The following MALRD1 variants were observed in gnomAD, a reference collection of about 807,000 sequenced individuals.
The protein encoded by MALRD1 is MAM and LDL-receptor class A domain-containing protein 1.
Under a neutral mutation model 242.1 loss-of-function variants are expected in MALRD1, and 247 were observed. The ratio of observed to expected loss-of-function variants is 1.02; its 90% CI spans 0.92 to 1.13. The LOEUF (loss-of-function observed/expected upper bound fraction) is 1.13. MALRD1 is among the 50% of genes most tolerant of loss of function. MALRD1 has a pLI of 0.00. For missense variants in MALRD1, 2,989 were observed against 2,533.1 expected, an observed-to-expected ratio of 1.18 and a Z score of -3.86; for synonymous variants, 995 against 866.6, an observed-to-expected ratio of 1.15 and a Z score of -2.60.
At chr10:19,675,059 C>A (rs1393584417) in intron 36 of MALRD1, among the ~76,000 whole-genome samples, 1 of 152,070 alleles carries the variant, frequency 6.6e-6, no homozygotes, top group Non-Finnish European at 1.5e-5. Context: ...TTTTTATCTG[C>A]TGCATTTCTA....
intron 32 of MALRD1, among the ~76,000 whole-genome samples, chr10:19,542,302 A>C (rs1261557488): frequency 1.3e-5 from 2 of 152,094 alleles, no homozygotes; most frequent in Non-Finnish European, 2.9e-5. Flanking sequence ...TTTCTTTTAC[A>C]TTTTTATTTC....
intron 14 of MALRD1, among the ~76,000 whole-genome samples, chr10:19,178,132 T>G (rs1359961107): frequency 6.6e-6 from 1 of 152,208 alleles, no homozygotes; most frequent in Non-Finnish European, 1.5e-5. Flanking sequence ...ATCTTGCTTA[T>G]GGAGAATTCT....
intron 29 of MALRD1, among the ~76,000 whole-genome samples, chr10:19,461,453 C>A (rs141375340): frequency 6.6e-6 from 1 of 152,198 alleles, no homozygotes; most frequent in Non-Finnish European, 1.5e-5. Flanking sequence ...ACTCTAACTG[C>A]CAACACTGTC....
intron 36 of MALRD1, among the ~76,000 whole-genome samples, chr10:19,642,681 T>G (rs977923111): frequency 6.6e-6 from 1 of 152,310 alleles, no homozygotes; most frequent in South Asian, 2.1e-4. Context: ...ATAGAAATCC[T>G]CAAGTTCAGT....
chr10:19,203,200 A>G (rs1329124449), intron 14 of MALRD1, among the ~76,000 whole-genome samples: 1 of 151,636 alleles, frequency 6.6e-6, no homozygotes, highest in Admixed American at 6.6e-5. Context: ...AGTTCAAATT[A>G]TTTTCTGCAC....
chr10:19,570,551 T>C (rs984019062), intron 33 of MALRD1, among the ~76,000 whole-genome samples: 4 of 152,034 alleles, frequency 2.6e-5, no homozygotes, highest in Non-Finnish European at 4.4e-5. Flanking sequence ...TGGAAAATTT[T>C]GAGAGGTGCC....
chr10:19,156,051 T>G (rs1222993273), intron 12 of MALRD1, among the ~76,000 whole-genome samples: 7 of 152,212 alleles, frequency 4.6e-5, no homozygotes, highest in Non-Finnish European at 8.8e-5. Flanking sequence ...CAGCTAATTT[T>G]TCGTCTTTAC....
chr10:19,275,485 A>G (rs532603610), intron 19 of MALRD1, among the ~76,000 whole-genome samples: 5 of 151,962 alleles, frequency 3.3e-5, no homozygotes, highest in African/African-American at 7.2e-5. Context: ...TGGTTAACAC[A>G]GTGAAACCCC....
chr10:19,336,030 A>G (rs543401840), intron 24 of MALRD1, among the ~76,000 whole-genome samples: 36 of 152,282 alleles, frequency 2.4e-4, no homozygotes, highest in African/African-American at 8.2e-4. Flanking sequence ...ACTGCTACAA[A>G]GAGAATAAAA....
In MALRD1 at chr10:19,660,930, T is replaced by G. The variant is rs185147421; in HGVS notation, c.6138-31352T>G. On this transcript the variant is annotated intron_variant, in intron 36 of 39. Coordinates refer to ENST00000454679, the MANE Select transcript of MALRD1 (RefSeq NM_001142308.3). The stretch of plus-strand genomic sequence containing the variant: ...TCAACATCATTCTTCCTAACACACT[T>G]AAGAATTTTTGTTTTGTAACAACCC... Among the ~76,000 whole-genome samples, 232 of 152,212 alleles carry G rather than the reference T, an allele frequency of 1.5e-3. 2 individuals are homozygous for G. The highest frequency in any genetic ancestry group is 5.3e-3 in the African/African-American group (221 of 41,552).
At chr10:19,612,707 G>T (rs1468986947) in intron 35 of MALRD1, among the ~76,000 whole-genome samples, 2 of 151,984 alleles carry the variant, frequency 1.3e-5, no homozygotes, top group African/African-American at 4.8e-5. Flanking sequence ...TTACAATCAT[G>T]ATGGAAGACC....
intron 14 of MALRD1, among the ~76,000 whole-genome samples, chr10:19,201,627 C>G (rs1836545731): frequency 6.6e-6 from 1 of 152,200 alleles, no homozygotes; most frequent in African/African-American, 2.4e-5. Context: ...CATCTAGACA[C>G]TTTGAAAACC....
chr10:19,352,009 A>T lies in MALRD1; in HGVS notation c.4153A>T (p.Ile1385Phe), dbSNP rs1208400313. 6.5e-7 allele frequency: 1 copy of T among 1,544,220 alleles called. No individual in the cohort carries two copies. The highest frequency in any genetic ancestry group is 1.7e-4 in the Middle Eastern group (1 of 5,962). ...ISKRSKNCKI[I>F]FHYHMYGNGI... is the part of the protein sequence containing the mutation. Reference sequence around the variant, plus strand: ...ATATTCCTATTCTTGATTACAGATTATTTTTCATTATCACATGTATGGAAA... The same window carrying T: ...ATATTCCTATTCTTGATTACAGATTTTTTTTCATTATCACATGTATGGAAA... The change falls in exon 26 of 40, where the codon ATT becomes TTT. Residue 1385 changes from isoleucine to phenylalanine, a missense_variant. Coordinates refer to ENST00000454679, the MANE Select transcript of MALRD1 (RefSeq NM_001142308.3).
intron 35 of MALRD1, among the ~76,000 whole-genome samples, chr10:19,614,274 C>A (rs971450267): frequency 2.6e-5 from 4 of 152,000 alleles, no homozygotes; most frequent in Non-Finnish European, 5.9e-5. Flanking sequence ...AACTGGGCTC[C>A]TGTGCCCTCA....
At chr10:19,326,850 T>C (rs1368513115) in intron 22 of MALRD1, among the ~76,000 whole-genome samples, 2 of 152,178 alleles carry the variant, frequency 1.3e-5, no homozygotes, top group African/African-American at 4.8e-5. Context: ...TGTGAAATCA[T>C]TTAATACACT....
intron 2 of MALRD1, among the ~76,000 whole-genome samples, chr10:19,075,068 C>T (rs997431558): frequency 9.9e-5 from 15 of 152,040 alleles, no homozygotes; most frequent in East Asian, 3.9e-4. Context: ...CTATGATGAA[C>T]GCTCACTTTG....
At chr10:19,524,100 A>T (rs1022508273) in intron 31 of MALRD1, among the ~76,000 whole-genome samples, 1 of 152,176 alleles carries the variant, frequency 6.6e-6, no homozygotes, top group African/African-American at 2.4e-5. Context: ...CTCCAGAAAC[A>T]CTGCATCTGT....
chr10:19,389,209 T>C, intron 27 of MALRD1: 1 of 608,002 alleles, frequency 1.6e-6, no homozygotes, highest in Non-Finnish European at 3.1e-6. Context: ...ACGGCATAAA[T>C]ATCCCATCAG....
chr10:19,125,977 G>A (rs1249007541), intron 7 of MALRD1, among the ~76,000 whole-genome samples: 1 of 151,802 alleles, frequency 6.6e-6, no homozygotes, highest in Non-Finnish European at 1.5e-5. Flanking sequence ...AGCTCCCATA[G>A]TACCTGTAAA....
Sources: gnomAD v4.1 joint callset for allele counts (sites outside exome capture counted in the v4.1 genomes callset) on GRCh38, gnomAD v4.1.1 for gene constraint, MANE v1.5 for transcripts, NCBI Gene and HGNC (gene_info 2026-07-23, HGNC 2026-07-21) for gene names.